Variants in OPCML observed in about 807,000 individuals in gnomAD.
OPCML encodes the protein opioid binding protein/cell adhesion molecule like.
In OPCML, 13 loss-of-function variants were observed where a neutral mutation model predicts 37.8. The observed-to-expected ratio is 0.34, with a 90% CI of 0.22 to 0.55. The LOEUF (loss-of-function observed/expected upper bound fraction) is 0.55, where lower values mean the gene tolerates loss of function less well. OPCML is among the 20% of genes least tolerant of loss of function. The pLI, the probability that OPCML is intolerant of heterozygous loss-of-function variation, is 0.91. For synonymous variants in OPCML, 176 were observed against 168.8 expected (o/e 1.04, Z -0.33); for missense variants, 341 against 435.6 (o/e 0.78, Z 1.93).
intron 1 of OPCML, among the ~76,000 whole-genome samples, chr11:133,142,836 T>C (rs1299944428): frequency 6.6e-6 from 1 of 152,044 alleles, no homozygotes; most frequent in Non-Finnish European, 1.5e-5. Context: ...GTGCAAGGAC[T>C]ATGAGAAGGC....
rs566663566 is a variant in OPCML at position 133,336,712 on chromosome 11, A to G, written c.61+195552T>C. Among the ~76,000 whole-genome samples, 23 of 152,364 alleles carry G rather than the reference A, an allele frequency of 1.5e-4. No homozygotes were observed. In the South Asian group the frequency reaches 4.8e-3, roughly 32 times the overall value. ...GGATGGGCAGATTGCTGTTGCTATC[A>G]GAGGTTCTACTTTTAGTGAATGTCC... On this transcript the variant is annotated intron_variant, in intron 1 of 7. Transcript: ENST00000524381.
chr11:133,207,058 C>A (rs1348609600), intron 1 of OPCML, among the ~76,000 whole-genome samples: 2 of 144,684 alleles, frequency 1.4e-5, no homozygotes, highest in East Asian at 4.2e-4. Context: ...GAGGCCGAGG[C>A]GGGCGGATCT....
At chr11:133,087,910 G>A (rs1193436975) in intron 1 of OPCML, among the ~76,000 whole-genome samples, 1 of 152,134 alleles carries the variant, frequency 6.6e-6, no homozygotes, top group African/African-American at 2.4e-5. Flanking sequence ...GTTAGGAGAT[G>A]GTATAGCAGA....
chr11:132,446,557 A>C (rs778194703), intron 4 of OPCML, among the ~76,000 whole-genome samples: 5 of 152,062 alleles, frequency 3.3e-5, no homozygotes, highest in Non-Finnish European at 7.4e-5. Context: ...GAAGGAGAAA[A>C]ATCATTATTT....
At chr11:132,690,662 G>T (rs892883484) in intron 2 of OPCML, among the ~76,000 whole-genome samples, 1 of 152,170 alleles carries the variant, frequency 6.6e-6, no homozygotes, top group Non-Finnish European at 1.5e-5. Context: ...TGGGATGTTT[G>T]AGTGTGTACG....
At chr11:133,235,597 C>T (rs1940476956) in intron 1 of OPCML, among the ~76,000 whole-genome samples, 1 of 152,220 alleles carries the variant, frequency 6.6e-6, no homozygotes, top group Non-Finnish European at 1.5e-5. Context: ...GAACACATTG[C>T]ATGCAGCTGC....
chr11:133,491,332 C>G (rs1463432902), intron 1 of OPCML, among the ~76,000 whole-genome samples: 1 of 152,190 alleles, frequency 6.6e-6, no homozygotes, highest in Non-Finnish European at 1.5e-5. Flanking sequence ...AAAAATGTCT[C>G]TTTCCACTCA....
At chr11:132,667,725 G>A (rs191996205) in intron 2 of OPCML, among the ~76,000 whole-genome samples, 1 of 152,186 alleles carries the variant, frequency 6.6e-6, no homozygotes, top group South Asian at 2.1e-4. Context: ...TCAGTTGAAG[G>A]TAAATGGAAG....
At chr11:132,486,368 G>T (rs2096199909) in intron 4 of OPCML, among the ~76,000 whole-genome samples, 1 of 152,192 alleles carries the variant, frequency 6.6e-6, no homozygotes, top group African/African-American at 2.4e-5. Flanking sequence ...TTGGTGAATT[G>T]AGAGGACAGG....
rs569011906 is a variant in OPCML, at chr11:132,910,153, G to C, written c.146+32773C>G. On this transcript the variant is annotated intron_variant, in intron 2 of 7. Coordinates refer to ENST00000524381, the MANE Select transcript of OPCML (RefSeq NM_001012393.5). ...TCTGAGCACTGCTTTCAATAAGCTC[G>C]TTTCACTGCAATTAAAGCAGCCGCA... Among the ~76,000 whole-genome samples, 5 of 152,320 alleles carry C rather than the reference G, an allele frequency of 3.3e-5. No individual in the cohort carries two copies. The South Asian group carries it at 8.3e-4, about 25-fold the overall frequency.
chr11:132,887,855 C>T (rs2044676908), intron 2 of OPCML, among the ~76,000 whole-genome samples: 1 of 152,212 alleles, frequency 6.6e-6, no homozygotes, highest in African/African-American at 2.4e-5. Flanking sequence ...TCTGCCTAAG[C>T]TGTGCCATGT....
At chr11:132,580,871 A>G (rs1332015710) in intron 3 of OPCML, among the ~76,000 whole-genome samples, 2 of 152,154 alleles carry the variant, frequency 1.3e-5, no homozygotes, top group Non-Finnish European at 2.9e-5. Context: ...GGGCCTTTCC[A>G]TCCTTCTTTT....
intron 2 of OPCML, among the ~76,000 whole-genome samples, chr11:132,936,089 G>T (rs1296791889): frequency 6.6e-6 from 1 of 152,186 alleles, no homozygotes; most frequent in African/African-American, 2.4e-5. Flanking sequence ...AGTAATAGAT[G>T]GGCTTCACTT....
intron 1 of OPCML, among the ~76,000 whole-genome samples, chr11:133,433,709 A>G (rs745635629): frequency 9.2e-5 from 14 of 152,130 alleles, no homozygotes; most frequent in Non-Finnish European, 2.1e-4. Context: ...GACATCTTCA[A>G]CCCAGCCAGG....
intron 4 of OPCML, among the ~76,000 whole-genome samples, chr11:132,476,092 C>T (rs1308760778): frequency 6.6e-6 from 1 of 152,200 alleles, no homozygotes; most frequent in South Asian, 2.1e-4. Context: ...TACACACTCT[C>T]ATGTTTTTAG....
chr11:132,936,927 G>T (rs931745589), intron 2 of OPCML, among the ~76,000 whole-genome samples: 1 of 151,962 alleles, frequency 6.6e-6, no homozygotes, highest in African/African-American at 2.4e-5. Context: ...AAATAATTTG[G>T]TGCTGTCTTG....
intron 1 of OPCML, among the ~76,000 whole-genome samples, chr11:133,322,268 T>C (rs1441661745): frequency 2.0e-5 from 3 of 152,208 alleles, no homozygotes; most frequent in African/African-American, 4.8e-5. Context: ...TGGGCAGAGA[T>C]GAATTAAAGG....
intron 1 of OPCML, among the ~76,000 whole-genome samples, chr11:133,253,567 C>T (rs895714942): frequency 6.6e-6 from 1 of 152,134 alleles, no homozygotes; most frequent in Non-Finnish European, 1.5e-5. Flanking sequence ...ACCTCGGCCT[C>T]GTAAAGTGCT....
chr11:133,281,840 T>G (rs1280502267), intron 1 of OPCML, among the ~76,000 whole-genome samples: 1 of 152,128 alleles, frequency 6.6e-6, no homozygotes, highest in East Asian at 1.9e-4. Context: ...AAGGTCACCC[T>G]TGTTACACCT....
Sources: allele counts gnomAD v4.1 joint callset (sites outside exome capture counted in the v4.1 genomes callset), GRCh38; gene constraint gnomAD v4.1.1; transcripts MANE v1.5; gene names NCBI Gene and HGNC (gene_info 2026-07-23, HGNC 2026-07-21).